NCOA3: variants seen among roughly 807,000 people sequenced by gnomAD.
The protein encoded by NCOA3 is CBP-interacting protein.
Under a neutral mutation model 158.8 loss-of-function variants are expected in NCOA3, and 51 were observed. The ratio of observed to expected loss-of-function variants is 0.32; its 90% CI spans 0.26 to 0.41. NCOA3 has a LOEUF of 0.41. Among genes scored for constraint, NCOA3 ranks in the 10% least tolerant of loss-of-function variants. The pLI is 1.00. For missense variants in NCOA3, 1,510 were observed against 1,746.6 expected (o/e 0.86, Z 2.41); for synonymous variants, 537 against 592.4 (o/e 0.91, Z 1.36).
In NCOA3 at chr20:47,651,465, A is replaced by G. The variant is rs66678967; in HGVS notation, c.3946+189A>G. On this transcript the variant is annotated intron_variant, in intron 20 of 22. Coordinates refer to ENST00000371998, the MANE Select transcript of NCOA3 (RefSeq NM_181659.3). ...GCACACAGGTAATTGAGACAGGTGT[A>G]TCCTGTCATAGTTGAATATTTTTTT... is the stretch of plus-strand genomic sequence containing the variant. Among the ~76,000 whole-genome samples, 994 of 152,328 alleles carry G rather than the reference A, an allele frequency of 6.5e-3. 6 individuals carry two copies. The highest frequency in any genetic ancestry group is 8.5e-3 in the Admixed American group (130 of 15,310).
rs1431742996 is a variant in NCOA3, at chr20:47,580,269, C to A, written c.-98-2914C>A. ...TTATGCTACTAGATACTTTCTGACTCAAATTCCTTTCCTGGCCGGGCACGG... is the reference window on the plus strand; with the variant it reads ...TTATGCTACTAGATACTTTCTGACTAAAATTCCTTTCCTGGCCGGGCACGG... On this transcript the variant is annotated intron_variant, in intron 1 of 22. Coordinates refer to ENST00000371998, the MANE Select transcript of NCOA3 (RefSeq NM_181659.3). 4.6e-5 allele frequency among the ~76,000 whole-genome samples: 7 copies of A among 152,034 alleles called. No individual in the cohort carries two copies. The East Asian group carries it at 1.4e-3, about 29-fold the overall frequency.
intron 1 of NCOA3, among the ~76,000 whole-genome samples, chr20:47,530,579 C>T (rs141611102): frequency 9.9e-5 from 15 of 151,488 alleles, no homozygotes; most frequent in African/African-American, 3.6e-4. Context: ...TCTTCTGCCT[C>T]AGCCTCCCAA....
At chr20:47,522,253 C>T (rs1242577460) in intron 1 of NCOA3, among the ~76,000 whole-genome samples, 4 of 151,660 alleles carry the variant, frequency 2.6e-5, no homozygotes, top group Non-Finnish European at 5.9e-5. Context: ...CAGGTGCCCG[C>T]CACCACGCCC....
At chr20:47,537,435 G>A (rs1434469645) in intron 1 of NCOA3, among the ~76,000 whole-genome samples, 5 of 151,236 alleles carry the variant, frequency 3.3e-5, no homozygotes, top group Admixed American at 2.0e-4. Context: ...GATAATCGGC[G>A]GGGGTGGGGG....
chr20:47,639,492 G>A (rs969150593), intron 14 of NCOA3, 85 bp from the exon 15 acceptor site: 10 of 1,526,688 alleles, frequency 6.6e-6, no homozygotes, highest in Non-Finnish European at 8.9e-6. Context: ...CAAGGTTGAT[G>A]TTGTGTATAA....
chr20:47,507,314 G>A (rs930043705), intron 1 of NCOA3, among the ~76,000 whole-genome samples: 2 of 152,170 alleles, frequency 1.3e-5, no homozygotes, highest in African/African-American at 4.8e-5. Flanking sequence ...TTGACAAGTT[G>A]TTCATGAACC....
At chr20:47,551,501 C>T (rs549671251) in intron 1 of NCOA3, among the ~76,000 whole-genome samples, 7 of 152,194 alleles carry the variant, frequency 4.6e-5, no homozygotes, top group Non-Finnish European at 7.4e-5. Flanking sequence ...CTTTACATTT[C>T]GTGTTTTTAT....
intron 1 of NCOA3, among the ~76,000 whole-genome samples, chr20:47,561,044 T>A (rs2085096203): frequency 6.8e-6 from 1 of 147,734 alleles, no homozygotes; most frequent in Non-Finnish European, 1.5e-5. Context: ...TTTGGCTCAC[T>A]GCAGCTTGAC....
intron 2 of NCOA3, among the ~76,000 whole-genome samples, chr20:47,584,618 T>TG (rs2085505532): frequency 9.8e-6 from 1 of 101,778 alleles, no homozygotes; most frequent in African/African-American, 3.6e-5. Context: ...AGACTTCATC[T>TG]CAAAAAAAAA....
In NCOA3 at chr20:47,653,430, A is replaced by AG. The variant is rs545763445; in HGVS notation, c.*15dup. The AG allele has an allele frequency of 1.0e-4, 162 of 1,597,746 alleles. No homozygotes were observed. In the Middle Eastern group the frequency reaches 1.2e-3, roughly 11 times the overall value. Reference sequence around the variant, plus strand: ...GAAATACTGCTGACATCTCTGCACCAGGACCTCTTAAGGAAACCACTGTAC... The same window carrying AG: ...GAAATACTGCTGACATCTCTGCACCAGGGACCTCTTAAGGAAACCACTGTAC... On this transcript the variant is annotated 3_prime_UTR_variant, in exon 23 of 23. Transcript: ENST00000371998.
intron 2 of NCOA3, among the ~76,000 whole-genome samples, chr20:47,603,274 A>G (rs1003524462): frequency 1.3e-5 from 2 of 152,250 alleles, no homozygotes; most frequent in Non-Finnish European, 2.9e-5. Context: ...AGCTAATTAA[A>G]TGGGAGAGTT....
chr20:47,582,826 G>A (rs756316231), intron 1 of NCOA3, among the ~76,000 whole-genome samples: 6 of 152,108 alleles, frequency 3.9e-5, no homozygotes, highest in African/African-American at 1.4e-4. Context: ...AGAGAATCTC[G>A]CTCTGTCACC....
intron 1 of NCOA3, among the ~76,000 whole-genome samples, chr20:47,535,147 A>G (rs1490468464): frequency 1.3e-5 from 2 of 150,540 alleles, no homozygotes; most frequent in East Asian, 4.0e-4. Flanking sequence ...TGCAGCCTCA[A>G]ACTCCTGGGC....
intron 1 of NCOA3, among the ~76,000 whole-genome samples, chr20:47,512,042 C>T (rs1301619506): frequency 6.6e-6 from 1 of 151,774 alleles, no homozygotes; most frequent in African/African-American, 2.4e-5. Flanking sequence ...AGGCTGGGTG[C>T]AGGGGCTCAT....
Position 47,548,061 on chromosome 20 carries a change from T to C in NCOA3, c.-98-35122T>C, listed in dbSNP as rs530221308. ...TGGTTTTATTTTAGCTTCCCGTCTC[T>C]TTAGGCTGGAACTGTTTCTAGAAAT... On this transcript the variant is annotated intron_variant, in intron 1 of 22. Transcript: ENST00000371998. Among the ~76,000 whole-genome samples the C allele has an allele frequency of 5.3e-5, 8 of 152,062 alleles. No homozygotes were observed. In the East Asian group the frequency reaches 1.5e-3, roughly 29 times the overall value.
At chr20:47,511,524 G>GATATATATATATATAT (rs34123990) in intron 1 of NCOA3, among the ~76,000 whole-genome samples, 25 of 22,006 alleles carry the variant, frequency 1.1e-3, no homozygotes, top group African/African-American at 1.7e-3. Context: ...TCTCTCTCGA[G>GATATATATATATATAT]ATATATATAT....
rs183757712 is a variant in NCOA3 at position 47,591,229 on chromosome 20, C to T, written c.-20+7968C>T. Among the ~76,000 whole-genome samples, 140 of 152,326 alleles carry T rather than the reference C, an allele frequency of 9.2e-4. 2 individuals are homozygous for T. The highest frequency in any genetic ancestry group is 3.2e-3 in the African/African-American group (133 of 41,582). Reference sequence around the variant, plus strand: ...TGCAGTTAATTCTGTTTCTCTTAGGCTTATTCTGTAGTCACTTTTAAGTTG... The same window carrying T: ...TGCAGTTAATTCTGTTTCTCTTAGGTTTATTCTGTAGTCACTTTTAAGTTG... On this transcript the variant is annotated intron_variant, in intron 2 of 22. Coordinates refer to ENST00000371998, the MANE Select transcript of NCOA3 (RefSeq NM_181659.3).
At chr20:47,560,421 T>G (rs953640733) in intron 1 of NCOA3, among the ~76,000 whole-genome samples, 5 of 152,272 alleles carry the variant, frequency 3.3e-5, no homozygotes, top group African/African-American at 1.2e-4. Flanking sequence ...CCTGGAAGTG[T>G]GATTGCTGGA....
At chr20:47,545,396 C>T (rs866530862) in intron 1 of NCOA3, among the ~76,000 whole-genome samples, 14 of 151,884 alleles carry the variant, frequency 9.2e-5, no homozygotes, top group Non-Finnish European at 8.8e-5. Context: ...AGGCTGATCT[C>T]GAATTCCTGA....
Sources: allele counts gnomAD v4.1 joint callset (sites outside exome capture counted in the v4.1 genomes callset), GRCh38; gene constraint gnomAD v4.1.1; transcripts MANE v1.5; gene names NCBI Gene and HGNC (gene_info 2026-07-23, HGNC 2026-07-21).